The following SGCZ variants were observed in gnomAD, a reference collection of about 807,000 sequenced individuals.
SGCZ encodes the protein zeta-sarcoglycan.
In SGCZ, 40 loss-of-function variants were observed where a neutral mutation model predicts 41.3. The ratio of observed to expected loss-of-function variants is 0.97; its 90% CI spans 0.75 to 1.26. SGCZ has a LOEUF of 1.26. SGCZ is among the 50% of genes most tolerant of loss of function. SGCZ has a pLI of 0.00. For synonymous variants in SGCZ, 206 were observed against 137.5 expected, an observed-to-expected ratio of 1.50 and a Z score of -3.49; for missense variants, 552 against 369.8, an observed-to-expected ratio of 1.49 and a Z score of -4.04.
intron 3 of SGCZ, among the ~76,000 whole-genome samples, chr8:14,256,589 C>T (rs1412136607): frequency 6.6e-6 from 1 of 152,162 alleles, no homozygotes; most frequent in East Asian, 1.9e-4. Flanking sequence ...AAGGTTTAAA[C>T]CCTTAAGACA....
intron 4 of SGCZ, among the ~76,000 whole-genome samples, chr8:14,180,368 G>A (rs1364871043): frequency 2.0e-5 from 3 of 152,102 alleles, no homozygotes; most frequent in Admixed American, 1.3e-4. Flanking sequence ...TCTGAATGCG[G>A]GGAGGGGGCC....
At chr8:14,638,233 T>C (rs1340582491) in intron 1 of SGCZ, among the ~76,000 whole-genome samples, 3 of 151,846 alleles carry the variant, frequency 2.0e-5, no homozygotes, top group Non-Finnish European at 2.9e-5. Flanking sequence ...CCTGCTGATT[T>C]TGCTACATCA....
chr8:14,183,394 C>A (rs929389160), intron 4 of SGCZ, among the ~76,000 whole-genome samples: 6 of 152,062 alleles, frequency 3.9e-5, no homozygotes, highest in Non-Finnish European at 7.4e-5. Context: ...CACTCTCCAA[C>A]AGATTTCATG....
intron 1 of SGCZ, among the ~76,000 whole-genome samples, chr8:14,889,576 A>G (rs1017265806): frequency 2.0e-5 from 3 of 152,100 alleles, no homozygotes; most frequent in Admixed American, 2.0e-4. Context: ...CAAAATTCTT[A>G]TCTATAAAAT....
At chr8:14,656,600 C>G (rs1317496575) in intron 1 of SGCZ, among the ~76,000 whole-genome samples, 1 of 102,810 alleles carries the variant, frequency 9.7e-6, no homozygotes, top group African/African-American at 3.2e-5. Context: ...TCTCTCCTCT[C>G]CTCTCCCTCT....
chr8:14,768,459 G>C (rs1800115427), intron 1 of SGCZ, among the ~76,000 whole-genome samples: 1 of 152,094 alleles, frequency 6.6e-6, no homozygotes, highest in Admixed American at 6.5e-5. Context: ...AATAACAATA[G>C]AACAAAGATT....
intron 1 of SGCZ, among the ~76,000 whole-genome samples, chr8:15,232,082 A>G (rs1801959479): frequency 1.3e-5 from 2 of 152,244 alleles, no homozygotes; most frequent in Admixed American, 1.3e-4. Flanking sequence ...TTACCAATTT[A>G]AATGCATATT....
At chr8:15,051,034 GA>G (rs1453699871) in intron 1 of SGCZ, among the ~76,000 whole-genome samples, 2 of 152,136 alleles carry the variant, frequency 1.3e-5, no homozygotes, top group African/African-American at 2.4e-5. Flanking sequence ...ATTCAGTTAA[GA>G]GGTTCTCATC....
intron 1 of SGCZ, among the ~76,000 whole-genome samples, chr8:14,717,386 A>G (rs1244985024): frequency 1.3e-5 from 2 of 152,172 alleles, no homozygotes; most frequent in Non-Finnish European, 2.9e-5. Context: ...CACTTACAGT[A>G]ATATGCTTAA....
chr8:14,556,389 A>G (rs1804036714), intron 1 of SGCZ, among the ~76,000 whole-genome samples: 2 of 151,890 alleles, frequency 1.3e-5, no homozygotes, highest in Admixed American at 6.6e-5. Context: ...GTACTATACA[A>G]TTATCATTGT....
At chr8:14,379,351 A>G (rs538724855) in intron 2 of SGCZ, among the ~76,000 whole-genome samples, 1 of 152,314 alleles carries the variant, frequency 6.6e-6, no homozygotes, top group Non-Finnish European at 1.5e-5. Flanking sequence ...TAGATAGATG[A>G]TATAATGATA....
intron 1 of SGCZ, among the ~76,000 whole-genome samples, chr8:14,584,995 C>A (rs770252705): frequency 1.6e-4 from 25 of 152,092 alleles, no homozygotes; most frequent in Non-Finnish European, 3.1e-4. Flanking sequence ...CCAGGTACAA[C>A]ATTGGGCTAC....
At chr8:14,144,270 T>C (rs543938143) in intron 5 of SGCZ, among the ~76,000 whole-genome samples, 1 of 152,278 alleles carries the variant, frequency 6.6e-6, no homozygotes, top group South Asian at 2.1e-4. Context: ...ACTTTGGACA[T>C]CTTGGATACC....
intron 1 of SGCZ, among the ~76,000 whole-genome samples, chr8:14,905,456 A>G (rs1799093815): frequency 6.6e-6 from 1 of 152,048 alleles, no homozygotes; most frequent in Non-Finnish European, 1.5e-5. Context: ...GAGACTAAGG[A>G]CACTCATTTA....
rs198528 is a variant in SGCZ at position 15,159,752 on chromosome 8, A to T, written c.39+77833T>A. Among the ~76,000 whole-genome samples the T allele has an allele frequency of 2.2e-4, 6 of 26,968 alleles. 1 individual carries two copies. The highest frequency in any genetic ancestry group is 9.9e-4 in the African/African-American group (5 of 5,050). The allele number at this position is 26,968 out of a possible 152,430, so 17.7% of individuals were successfully genotyped here. A position where few individuals can be genotyped will look rare whatever the true frequency, so the allele number is the denominator to read the frequency against. ...CCCCGCCCCCCCCACCCTCCCCCCCACCCCCGCCACACACACACAGATGGT... is the reference window on the plus strand; with the variant it reads ...CCCCGCCCCCCCCACCCTCCCCCCCTCCCCCGCCACACACACACAGATGGT... On this transcript the variant is annotated intron_variant, in intron 1 of 7. Transcript: ENST00000382080.
chr8:14,853,089 T>C (rs1338460493), intron 1 of SGCZ, among the ~76,000 whole-genome samples: 6 of 152,212 alleles, frequency 3.9e-5, no homozygotes, highest in South Asian at 2.1e-4. Flanking sequence ...TATAGCAGCA[T>C]TCATATTTGA....
chr8:14,545,169 C>A, intron 2 of SGCZ, among the ~76,000 whole-genome samples: 1 of 151,922 alleles, frequency 6.6e-6, no homozygotes, highest in Non-Finnish European at 1.5e-5. Flanking sequence ...GGCATGTCCC[C>A]CAATAAACAC....
At chr8:14,825,244 A>G (rs1412503570) in intron 1 of SGCZ, among the ~76,000 whole-genome samples, 4 of 152,146 alleles carry the variant, frequency 2.6e-5, no homozygotes. Flanking sequence ...CCATCTGTGA[A>G]ATCCTTAGCA....
intron 1 of SGCZ, among the ~76,000 whole-genome samples, chr8:15,152,006 T>C (rs1799192208): frequency 6.6e-6 from 1 of 152,212 alleles, no homozygotes; most frequent in African/African-American, 2.4e-5. Context: ...AAACTGTGGT[T>C]AAGCAAAGGT....
Sources: allele counts gnomAD v4.1 joint callset (sites outside exome capture counted in the v4.1 genomes callset), GRCh38; gene constraint gnomAD v4.1.1; transcripts MANE v1.5; gene names NCBI Gene and HGNC (gene_info 2026-07-23, HGNC 2026-07-21).